ERAP2: variants seen among roughly 807,000 people sequenced by gnomAD.
ERAP2 encodes the protein endoplasmic reticulum aminopeptidase 2.
A neutral mutation model predicts 111.1 loss-of-function variants in ERAP2; 118 were observed. That is an observed-to-expected ratio of 1.06 (90% CI 0.92 to 1.24). The LOEUF is 1.24. Among genes scored for constraint, ERAP2 ranks in the 50% most tolerant of loss-of-function variants. The pLI, the probability that ERAP2 is intolerant of heterozygous loss-of-function variation, is 0.00. For missense variants in ERAP2, 1,131 were observed against 1,125.8 expected, an observed-to-expected ratio of 1.00 and a Z score of -0.07; for synonymous variants, 410 against 401.2, an observed-to-expected ratio of 1.02 and a Z score of -0.26.
intron 17 of ERAP2, among the ~76,000 whole-genome samples, chr5:96,915,272 G>A (rs1787253043): frequency 1.3e-5 from 2 of 152,046 alleles, no homozygotes; most frequent in African/African-American, 2.4e-5. Flanking sequence ...GCCTCCCAAA[G>A]TTCTGGGATT....
At chr5:96,895,612 G>C (rs1784795582) in intron 7 of ERAP2, among the ~76,000 whole-genome samples, 1 of 152,214 alleles carries the variant, frequency 6.6e-6, no homozygotes, top group African/African-American at 2.4e-5. Flanking sequence ...GTAGAACTGT[G>C]TATGTGGGTT....
chr5:96,912,668 T>C lies in ERAP2; in HGVS notation c.2386T>C (p.Ser796Pro). 3 of 1,611,320 alleles carry C rather than the reference T, an allele frequency of 1.9e-6. No individual in the cohort carries two copies. The highest frequency in any genetic ancestry group is 2.5e-6 in the Non-Finnish European group (3 of 1,179,120). ...IPTDVLKIVYSVGAQTTAGWN... is the reference protein window; with the variant it reads ...IPTDVLKIVYPVGAQTTAGWN... ...AACAGATGTTTTAAAGATTGTGTAT[T>C]CTGTGGGTGCTCAGACAACAGCAGG... Residue 796 changes from serine to proline, a missense_variant, in exon 16 of 19, where the codon TCT (serine) becomes CCT (proline). By Grantham distance (74) the Ser-to-Pro change is moderately conservative. This residue lies in a region of ERAP2 where 279 missense variants were observed against 250.9 expected (regional missense o/e 1.11). Coordinates refer to ENST00000437043, the MANE Select transcript of ERAP2 (RefSeq NM_022350.5).
At chr5:96,889,714 T>A (rs927330688) in intron 5 of ERAP2, among the ~76,000 whole-genome samples, 1 of 152,032 alleles carries the variant, frequency 6.6e-6, no homozygotes, top group Non-Finnish European at 1.5e-5. Context: ...GTGGCGGACA[T>A]CAACGCTCTC....
chr5:96,903,753 C>T, intron 13 of ERAP2, among the ~76,000 whole-genome samples, 193 bp downstream of exon 13: 1 of 152,134 alleles, frequency 6.6e-6, no homozygotes, highest in Admixed American at 6.5e-5. Context: ...TAATTGTAAT[C>T]CAATATTTTA....
intron 15 of ERAP2, chr5:96,910,308 T>C (rs1464001028): frequency 1.3e-5 from 2 of 151,920 alleles, no homozygotes; most frequent in Non-Finnish European, 2.9e-5. Context: ...TATTATAAGA[T>C]GGTATCATAA....
chr5:96,880,160 C>T lies in ERAP2; in HGVS notation c.475C>T (p.His159Tyr), dbSNP rs750901853. Reference protein sequence around the residue: ...ALLVPEKLTPHLKYYVAMDFQ... With the variant: ...ALLVPEKLTPYLKYYVAMDFQ... The stretch of plus-strand genomic sequence containing the variant: ...GCTGGTTCCAGAGAAACTTACGCCT[C>T]ACCTGAAATACTATGTGGCTATGGA... The change falls in exon 2 of 19, where the codon CAC becomes TAC. Residue 159 changes from histidine to tyrosine, a missense_variant. This residue lies in a region of ERAP2 where 847 missense variants were observed against 856.5 expected (regional missense o/e 0.99). Transcript: ENST00000437043. 2 of 1,614,080 alleles carry T rather than the reference C, an allele frequency of 1.2e-6. No individual in the cohort carries two copies. The highest frequency in any genetic ancestry group is 1.1e-5 in the South Asian group (1 of 91,076).
chr5:96,904,678 T>C (rs917879284), intron 13 of ERAP2, among the ~76,000 whole-genome samples: 10 of 152,178 alleles, frequency 6.6e-5, no homozygotes, highest in African/African-American at 9.7e-5. Flanking sequence ...TCTGAGTAGA[T>C]TGAAGAGAAG....
intron 9 of ERAP2, 104 bp downstream of exon 9, chr5:96,896,967 T>TGGGTAACGATAGACTGTA: frequency 2.3e-6 from 1 of 427,024 alleles, no homozygotes; most frequent in Non-Finnish European, 3.2e-6. Context: ...CAACCATATT[T>TGGGTAACGATAGACTGTA]ATTCTGCTTG....
In ERAP2 at chr5:96,888,241, T is replaced by C. The variant is rs192910785; in HGVS notation, c.850-944T>C. 8.5e-5 allele frequency among the ~76,000 whole-genome samples: 13 copies of C among 152,332 alleles called. No individual in the cohort carries two copies. In the East Asian group the frequency reaches 2.5e-3, roughly 29 times the overall value. ...CATGAATATGTAGATATATGAGTTGTGTAGCACACATACACATCATGGCAC... is the reference window on the plus strand; with the variant it reads ...CATGAATATGTAGATATATGAGTTGCGTAGCACACATACACATCATGGCAC... On this transcript the variant is annotated intron_variant, in intron 4 of 18. Coordinates refer to ENST00000437043, the MANE Select transcript of ERAP2 (RefSeq NM_022350.5).
At chr5:96,881,795 A>G (rs1783161730) in intron 2 of ERAP2, among the ~76,000 whole-genome samples, 1 of 152,150 alleles carries the variant, frequency 6.6e-6, no homozygotes, top group Admixed American at 6.5e-5. Flanking sequence ...TAAGGGCAAA[A>G]AGAAACATTC....
intron 16 of ERAP2, 95 bp downstream of exon 16, chr5:96,912,893 A>G (rs1468765386): frequency 1.0e-6 from 1 of 980,042 alleles, no homozygotes; most frequent in African/African-American, 1.7e-5. Flanking sequence ...AAGGCATAAG[A>G]TAATTGAATC....
chr5:96,878,019 G>A (rs1782731450), intron 1 of ERAP2, among the ~76,000 whole-genome samples: 1 of 152,154 alleles, frequency 6.6e-6, no homozygotes. Flanking sequence ...GTTTGAGTTG[G>A]AGCAGTAAGG....
Position 96,879,863 on chromosome 5 carries a change from G to A in ERAP2, c.178G>A (p.Glu60Lys). The stretch of plus-strand genomic sequence containing the variant: ...GGCTTTCCCAGTAGCCACTAATGGG[G>A]AACGATTTCCTTGGCAGGAGCTAAG... ...PGAFPVATNG[E>K]RFPWQELRLP... Residue 60 changes from glutamate (E) to lysine (K), a missense_variant, in exon 2 of 19, where the codon GAA (glutamate) becomes AAA (lysine). By Grantham distance (56) the Glu-to-Lys change is moderately conservative. Around this residue, in one of 3 missense-constraint regions of ERAP2, gnomAD observed 847 missense variants for 856.5 expected, o/e 0.99. Coordinates refer to ENST00000437043, the MANE Select transcript of ERAP2 (RefSeq NM_022350.5). 1 of 1,614,162 alleles carries A rather than the reference G, an allele frequency of 6.2e-7. No individual in the cohort carries two copies. The highest frequency in any genetic ancestry group is 1.1e-5 in the South Asian group (1 of 91,084).
intron 7 of ERAP2, 36 bp downstream of exon 7, chr5:96,895,395 G>A: frequency 1.5e-6 from 2 of 1,313,982 alleles, no homozygotes; most frequent in Non-Finnish European, 2.2e-6. Context: ...ACTATATGGT[G>A]TAAAGAATCA....
intron 2 of ERAP2, among the ~76,000 whole-genome samples, chr5:96,882,188 G>C (rs1037238639): frequency 1.3e-5 from 2 of 152,200 alleles, no homozygotes; most frequent in East Asian, 1.9e-4. Context: ...GATAGGAAAA[G>C]TGTCAACTTC....
chr5:96,911,626 C>A (rs1381544702), intron 15 of ERAP2, among the ~76,000 whole-genome samples: 1 of 151,984 alleles, frequency 6.6e-6, no homozygotes. Flanking sequence ...TAGCTCATGC[C>A]TGTAAGGCCA....
Position 96,896,390 on chromosome 5 carries a change from T to C in ERAP2, c.1257T>C (p.Asn419=), listed in dbSNP as rs375146668. ...CTGTTTAGGATGACTATTTTTTGAA[T>C]GTGTGTTTTGAAGTAATTACAAAAG... ...PELQFDDYFL[N]VCFEVITKDS... The change falls in exon 8 of 19, where the codon AAT becomes AAC. Residue 419 remains asparagine (N), a synonymous_variant. Coordinates refer to ENST00000437043, the MANE Select transcript of ERAP2 (RefSeq NM_022350.5). 2.5e-6 allele frequency: 4 copies of C among 1,610,654 alleles called. No individual in the cohort carries two copies. Among genetic ancestry groups the C allele is most frequent in the Non-Finnish European group, 3.4e-6 (4 of 1,177,884 alleles).
At chr5:96,881,791 C>T (rs145459208) in intron 2 of ERAP2, among the ~76,000 whole-genome samples, 4 of 152,128 alleles carry the variant, frequency 2.6e-5, no homozygotes, top group African/African-American at 9.6e-5. Context: ...GAGATAAGGG[C>T]AAAAAGAAAC....
In ERAP2 at chr5:96,917,701, T is replaced by C. The variant is rs1787575002; in HGVS notation, c.*96T>C. On this transcript the variant is annotated 3_prime_UTR_variant, in exon 19 of 19. Transcript: ENST00000437043. ...AAGGGCGGATCACGAGGTCAGGAGATGGAGACCATCCTGGCTAACACGGTG... is the reference window on the plus strand; with the variant it reads ...AAGGGCGGATCACGAGGTCAGGAGACGGAGACCATCCTGGCTAACACGGTG... 1 of 974,298 alleles carries C rather than the reference T, an allele frequency of 1.0e-6. No individual in the cohort carries two copies. 60.4% of individuals were successfully genotyped at this position (974,298 alleles called of 1,614,324 possible).
Sources: allele counts gnomAD v4.1 joint callset (sites outside exome capture counted in the v4.1 genomes callset), GRCh38; gene constraint gnomAD v4.1.1; regional missense constraint gnomAD v4.1.1; transcripts MANE v1.5; gene names NCBI Gene and HGNC (gene_info 2026-07-23, HGNC 2026-07-21).